SPATS1: variants seen among roughly 807,000 people sequenced by gnomAD.
SPATS1 encodes spermatogenesis associated serine rich 1.
In SPATS1, 23 loss-of-function variants were observed where a neutral mutation model predicts 33.6. That is an observed-to-expected ratio of 0.68 (90% CI 0.49 to 0.97). The LOEUF is 0.97. Ranked by LOEUF, SPATS1 falls within the 50% of genes least tolerant of loss-of-function variation. The pLI, the probability that SPATS1 is intolerant of heterozygous loss-of-function variation, is 0.00. For missense variants in SPATS1, 327 were observed against 361.0 expected (o/e 0.91, Z 0.76); for synonymous variants, 131 against 125.6 (o/e 1.04, Z -0.29).
chr6:44,366,897 G>A (rs1267586886), intron 5 of SPATS1, among the ~76,000 whole-genome samples: 1 of 152,098 alleles, frequency 6.6e-6, no homozygotes, highest in Non-Finnish European at 1.5e-5. Flanking sequence ...TTATAAATGA[G>A]GTTAAAAAGG....
intron 2 of SPATS1, among the ~76,000 whole-genome samples, chr6:44,346,239 C>G (rs536402168): frequency 2.0e-5 from 3 of 149,258 alleles, no homozygotes; most frequent in Non-Finnish European, 4.4e-5. Flanking sequence ...TGCAGTGAAC[C>G]GAGATCACTC....
intron 7 of SPATS1, among the ~76,000 whole-genome samples, chr6:44,375,387 A>C (rs1337560958): frequency 6.6e-6 from 1 of 152,204 alleles, no homozygotes; most frequent in African/African-American, 2.4e-5. Context: ...GCCCAACAGG[A>C]GCTGTGGCAC....
chr6:44,353,675 A>G (rs1788379606), intron 3 of SPATS1, among the ~76,000 whole-genome samples: 4 of 152,194 alleles, frequency 2.6e-5, no homozygotes, highest in Admixed American at 2.6e-4. Context: ...CTTTTCTAAT[A>G]ATTTTTGTTA....
At chr6:44,348,986 C>T (rs1291128308) in intron 2 of SPATS1, among the ~76,000 whole-genome samples, 3 of 152,034 alleles carry the variant, frequency 2.0e-5, no homozygotes, top group African/African-American at 2.4e-5. Context: ...CAAAAATTAG[C>T]CAGGCATGAT....
rs1790065369 is a variant in SPATS1 at position 44,378,396 on chromosome 6, T to A, written c.*1333T>A. 1 of 152,156 alleles carries A rather than the reference T, an allele frequency of 6.6e-6. No homozygotes were observed. The highest frequency in any genetic ancestry group is 2.4e-5 in the African/African-American group (1 of 41,432). The allele number at this position is 152,156 out of a possible 1,614,324, so 9.4% of individuals were successfully genotyped here. ...TTGGGGTCCATGCTGAGACTCCACA[T>A]GTCTATGACATGAGCATGATTTATT... is the stretch of plus-strand genomic sequence containing the variant. On this transcript the variant is annotated 3_prime_UTR_variant, in exon 9 of 9. Coordinates refer to ENST00000674044, the MANE Select transcript of SPATS1 (RefSeq NM_001372081.1).
intron 6 of SPATS1, 143 bp from the exon 7 acceptor site, chr6:44,369,908 A>AAAATAAAATT (rs1561960425): frequency 2.3e-6 from 1 of 432,762 alleles, no homozygotes; most frequent in Non-Finnish European, 4.0e-6. Flanking sequence ...AAAATAAAAT[A>AAAATAAAATT]AAATCTGCGG....
intron 2 of SPATS1, among the ~76,000 whole-genome samples, chr6:44,344,489 A>C (rs1347012550): frequency 2.0e-5 from 3 of 151,940 alleles, no homozygotes; most frequent in African/African-American, 7.3e-5. Flanking sequence ...GAATCAAAAA[A>C]CGGGTTAAAA....
chr6:44,374,720 C>T (rs185349130), intron 7 of SPATS1, among the ~76,000 whole-genome samples: 26 of 152,318 alleles, frequency 1.7e-4, no homozygotes, highest in African/African-American at 6.0e-4. Context: ...ATTGTTTCAA[C>T]AAAGGCTGAA....
intron 3 of SPATS1, among the ~76,000 whole-genome samples, chr6:44,354,013 G>C (rs1420660094): frequency 4.1e-5 from 6 of 145,230 alleles, no homozygotes; most frequent in African/African-American, 1.5e-4. Context: ...ACTCCAGCCT[G>C]GGCGACAGAG....
At position 44,377,206 on chromosome 6, in the gene SPATS1, T is replaced by G; in HGVS notation, c.*143T>G. Reference sequence around the variant, plus strand: ...TGCTTTGCTTTTTTAAAACTTTATATTTTGAAAACTTTCACATTTACATAA... The same window carrying G: ...TGCTTTGCTTTTTTAAAACTTTATAGTTTGAAAACTTTCACATTTACATAA... On this transcript the variant is annotated 3_prime_UTR_variant, in exon 9 of 9. Transcript: ENST00000674044. 1 of 965,316 alleles carries G rather than the reference T, an allele frequency of 1.0e-6. No individual in the cohort carries two copies. The highest frequency in any genetic ancestry group is 1.6e-6 in the Non-Finnish European group (1 of 640,720). The allele number at this position is 965,316 out of a possible 1,614,324, so 59.8% of individuals were successfully genotyped here.
chr6:44,354,053 A>AAAC (rs1003896917), intron 3 of SPATS1, among the ~76,000 whole-genome samples: 1 of 144,994 alleles, frequency 6.9e-6, no homozygotes, highest in South Asian at 2.2e-4. Context: ...AAAAAAAAAA[A>AAAC]CAAAAAAAAG....
At chr6:44,373,573 T>C (rs184603780) in intron 7 of SPATS1, among the ~76,000 whole-genome samples, 202 of 152,350 alleles carry the variant, frequency 1.3e-3, no homozygotes, top group Non-Finnish European at 1.1e-3. Flanking sequence ...ATCAAAGTTG[T>C]TCATATCTTT....
chr6:44,343,788 G>T (rs757518156), intron 2 of SPATS1, among the ~76,000 whole-genome samples: 1 of 152,164 alleles, frequency 6.6e-6, no homozygotes, highest in Admixed American at 6.5e-5. Context: ...GTGTCATGGC[G>T]CTGAACAGCC....
At chr6:44,350,993 G>A (rs1274674736) in intron 2 of SPATS1, among the ~76,000 whole-genome samples, 3 of 151,514 alleles carry the variant, frequency 2.0e-5, no homozygotes, top group East Asian at 1.9e-4. Flanking sequence ...GCATGGTGGC[G>A]AGTGCCTGTA....
intron 3 of SPATS1, among the ~76,000 whole-genome samples, chr6:44,354,049 A>AAC (rs1554152589): frequency 4.0e-4 from 60 of 149,536 alleles, no homozygotes; most frequent in African/African-American, 1.4e-3. Flanking sequence ...AAAAAAAAAA[A>AAC]AAAACAAAAA....
At chr6:44,343,697 A>G (rs1018708519) in intron 2 of SPATS1, among the ~76,000 whole-genome samples, 3 of 152,204 alleles carry the variant, frequency 2.0e-5, no homozygotes, top group Admixed American at 6.5e-5. Flanking sequence ...GAACACTCTA[A>G]AAATTAAATA....
chr6:44,353,306 G>A (rs886907290), intron 3 of SPATS1, among the ~76,000 whole-genome samples: 2 of 152,200 alleles, frequency 1.3e-5, no homozygotes, highest in Non-Finnish European at 2.9e-5. Context: ...CACAATTAGG[G>A]TAGTGGTTAC....
intron 3 of SPATS1, among the ~76,000 whole-genome samples, chr6:44,355,391 A>G (rs1393978873): frequency 6.6e-6 from 1 of 152,148 alleles, no homozygotes; most frequent in Non-Finnish European, 1.5e-5. Flanking sequence ...TAGTTTATTT[A>G]TTCATTCACT....
At chr6:44,368,289 T>C (rs1789366707) in intron 5 of SPATS1, 90 bp from the exon 6 acceptor site, 2 of 1,259,862 alleles carry the variant, frequency 1.6e-6, no homozygotes, top group African/African-American at 3.0e-5. Context: ...TACTAAAATA[T>C]CCTCTTTCCA....
Sources: allele counts gnomAD v4.1 joint callset (sites outside exome capture counted in the v4.1 genomes callset), GRCh38; gene constraint gnomAD v4.1.1; transcripts MANE v1.5; gene names NCBI Gene and HGNC (gene_info 2026-07-23, HGNC 2026-07-21).